GHR: variants seen among roughly 807,000 people sequenced by gnomAD.
The protein encoded by GHR is growth hormone receptor.
GHR carries 35 observed loss-of-function variants against 67.1 expected under a neutral mutation model. The observed-to-expected ratio is 0.52, with a 90% CI of 0.40 to 0.69. The LOEUF (loss-of-function observed/expected upper bound fraction) is 0.69, where lower values mean the gene tolerates loss of function less well. Ranked by LOEUF, GHR falls within the 30% of genes least tolerant of loss-of-function variation. The pLI is 0.00. For missense variants in GHR, 792 were observed against 764.6 expected (o/e 1.04, Z -0.42); for synonymous variants, 272 against 269.1 (o/e 1.01, Z -0.10).
intron 2 of GHR, among the ~76,000 whole-genome samples, chr5:42,604,787 T>C (rs559362590): frequency 6.6e-6 from 1 of 152,104 alleles, no homozygotes; most frequent in African/African-American, 2.4e-5. Flanking sequence ...TTTAATATTT[T>C]CTATCTTTTT....
At position 42,711,331 on chromosome 5, in the gene GHR, A is replaced by C. The variant is rs557134454; in HGVS notation, c.743A>C (p.Tyr248Ser). ...TATGGCGAGTTCAGTGAGGTGCTCT[A>C]TGTAACACTTCCTCAGATGAGCCAA... ...GNYGEFSEVLYVTLPQMSQFT... is the reference protein window; with the variant it reads ...GNYGEFSEVLSVTLPQMSQFT... Residue 248 changes from tyrosine (Y) to serine (S), a missense_variant, in exon 7 of 10, where the codon TAT becomes TCT. Coordinates refer to ENST00000230882, the MANE Select transcript of GHR (RefSeq NM_000163.5). 5 of 1,613,204 alleles carry C rather than the reference A, an allele frequency of 3.1e-6. No homozygotes were observed. In the Admixed American group the frequency reaches 8.3e-5, roughly 27 times the overall value.
chr5:42,572,637 G>T (rs566813412), intron 2 of GHR, among the ~76,000 whole-genome samples: 4 of 152,198 alleles, frequency 2.6e-5, no homozygotes, highest in African/African-American at 9.6e-5. Context: ...CTTGTCCCTT[G>T]TTCCCAGGAT....
Position 42,466,815 on chromosome 5 carries a change from C to T in GHR, c.-12+42860C>T, listed in dbSNP as rs1233905175. 17 of 1,088,800 alleles carry T rather than the reference C, an allele frequency of 1.6e-5. No individual in the cohort carries two copies. In the East Asian group the frequency reaches 4.1e-4, roughly 26 times the overall value. The allele number at this position is 1,088,800 out of a possible 1,614,324, so 67.4% of individuals were successfully genotyped here. On this transcript the variant is annotated intron_variant, in intron 1 of 9. Transcript: ENST00000230882. Reference sequence around the variant, plus strand: ...TCATCTTTATAAAGGAAGAAGAAAACAGCAAAGAGGTGTCTCATTTGGGAG... The same window carrying T: ...TCATCTTTATAAAGGAAGAAGAAAATAGCAAAGAGGTGTCTCATTTGGGAG...
chr5:42,600,620 C>A (rs1481587171), intron 2 of GHR, among the ~76,000 whole-genome samples: 3 of 152,178 alleles, frequency 2.0e-5, no homozygotes, highest in African/African-American at 7.2e-5. Flanking sequence ...CTGGGCAGCA[C>A]ACCAGAGTGA....
intron 6 of GHR, among the ~76,000 whole-genome samples, chr5:42,703,141 G>A (rs1381264313): frequency 6.6e-6 from 1 of 151,942 alleles, no homozygotes; most frequent in Non-Finnish European, 1.5e-5. Context: ...CCAAACCAAT[G>A]TCATGGAGCT....
At chr5:42,586,233 A>G (rs562821880) in intron 2 of GHR, among the ~76,000 whole-genome samples, 9 of 152,002 alleles carry the variant, frequency 5.9e-5, no homozygotes, top group Admixed American at 3.9e-4. Flanking sequence ...CTCCCAATCT[A>G]TCCCTGACTC....
chr5:42,662,673 C>T (rs1256621922), intron 3 of GHR, among the ~76,000 whole-genome samples: 2 of 152,078 alleles, frequency 1.3e-5, no homozygotes, highest in African/African-American at 4.8e-5. Flanking sequence ...AAAATTGACA[C>T]CCTAACATCA....
At chr5:42,665,434 A>C (rs1189864628) in intron 3 of GHR, among the ~76,000 whole-genome samples, 1 of 152,172 alleles carries the variant, frequency 6.6e-6, no homozygotes, top group Non-Finnish European at 1.5e-5. Flanking sequence ...TGATGAGTTC[A>C]TGTCCTTTGT....
chr5:42,688,994 C>A lies in GHR; in HGVS notation c.241C>A (p.Pro81Thr). 6.2e-7 allele frequency: 1 copy of A among 1,613,674 alleles called. No individual in the cohort carries two copies. The highest frequency in any genetic ancestry group is 8.5e-7 in the Non-Finnish European group (1 of 1,179,566). Reference protein sequence around the residue: ...EVHHGTKNLGPIQLFYTRRNT... With the variant: ...EVHHGTKNLGTIQLFYTRRNT... The stretch of plus-strand genomic sequence containing the variant: ...TCATCATGGTACAAAGAACCTAGGA[C>A]CCATACAGCTGTTCTATACCAGAAG... Residue 81 changes from proline (P) to threonine (T), a missense_variant, in exon 4 of 10, where the codon CCC (proline) becomes ACC (threonine). Transcript: ENST00000230882.
At position 42,424,447 on chromosome 5, in the gene GHR, C is replaced by T. The variant is rs1742753900; in HGVS notation, c.-12+492C>T. The T allele has an allele frequency of 1.5e-6, 1 of 678,572 alleles. No individual in the cohort carries two copies. The highest frequency in any genetic ancestry group is 2.7e-5 in the East Asian group (1 of 36,454). The allele number at this position is 678,572 out of a possible 1,614,324, so 42.0% of individuals were successfully genotyped here. On this transcript the variant is annotated intron_variant, in intron 1 of 9. Transcript: ENST00000230882. The surrounding 1 kb of genome is among the most constrained non-coding windows in gnomAD (Gnocchi z 4.1). ...GCGCGGGGAAGAATCCCCGGCAGCG[C>T]GACTGGAGAGACTGGGGAGGTCGAG...
At chr5:42,709,872 A>G (rs900225309) in intron 6 of GHR, among the ~76,000 whole-genome samples, 4 of 152,092 alleles carry the variant, frequency 2.6e-5, no homozygotes, top group African/African-American at 9.7e-5. Context: ...AGTAGGAGCC[A>G]CTCGAAATCT....
chr5:42,469,078 C>T (rs1453040926), intron 1 of GHR, among the ~76,000 whole-genome samples: 1 of 152,146 alleles, frequency 6.6e-6, no homozygotes, highest in Non-Finnish European at 1.5e-5. Flanking sequence ...AAAGATAGTT[C>T]TAGATAATAC....
rs1340608555 is a variant in GHR, at chr5:42,532,740, T to C, written c.-11-33124T>C. ...CTACTTTTACTACAAATATTTTATTTTCAGAATTTACCCTTGTTATTATAT... is the reference window on the plus strand; with the variant it reads ...CTACTTTTACTACAAATATTTTATTCTCAGAATTTACCCTTGTTATTATAT... On this transcript the variant is annotated intron_variant, in intron 1 of 9. Coordinates refer to ENST00000230882, the MANE Select transcript of GHR (RefSeq NM_000163.5). Among the ~76,000 whole-genome samples, 4 of 152,318 alleles carry C rather than the reference T, an allele frequency of 2.6e-5. No homozygotes were observed. In the East Asian group the frequency reaches 7.7e-4, roughly 29 times the overall value.
At chr5:42,717,308 T>A (rs978944566) in intron 8 of GHR, among the ~76,000 whole-genome samples, 5 of 151,876 alleles carry the variant, frequency 3.3e-5, no homozygotes, top group Admixed American at 6.6e-5. Flanking sequence ...CAAAAAGTTT[T>A]AAAAAAAATT....
At chr5:42,426,013 G>A (rs1472314056) in intron 1 of GHR, among the ~76,000 whole-genome samples, 3 of 152,076 alleles carry the variant, frequency 2.0e-5, no homozygotes. Flanking sequence ...GCCAGGCTTT[G>A]GGCCCATGTT....
Position 42,565,878 on chromosome 5 carries a change from G to C in GHR, c.4G>C (p.Asp2His), listed in dbSNP as rs756257972. 2.8e-5 allele frequency: 45 copies of C among 1,614,016 alleles called. No homozygotes were observed. Among genetic ancestry groups the C allele is most frequent in the Non-Finnish European group, 3.7e-5 (44 of 1,179,900 alleles). Reference sequence around the variant, plus strand: ...TGTGATTGCAGGTCCTACAGGTATGGATCTCTGGCAGCTGCTGTTGACCTT... The same window carrying C: ...TGTGATTGCAGGTCCTACAGGTATGCATCTCTGGCAGCTGCTGTTGACCTT... M[D>H]LWQLLLTLAL... The change falls in exon 2 of 10, where the codon GAT becomes CAT. Residue 2 changes from aspartate to histidine, a missense_variant. Transcript: ENST00000230882.
chr5:42,719,444 G>A lies in GHR; in HGVS notation c.*20G>A. The A allele has an allele frequency of 6.2e-7, 1 of 1,607,400 alleles. No individual in the cohort carries two copies. The highest frequency in any genetic ancestry group is 8.5e-7 in the Non-Finnish European group (1 of 1,178,378). ...CCTTAGCCTTTCTTTGGTTTCCCAA[G>A]AGCTACGTATTTAATAGCAAAGAAT... On this transcript the variant is annotated 3_prime_UTR_variant, in exon 10 of 10. Transcript: ENST00000230882.
At chr5:42,615,461 A>G (rs1753095812) in intron 2 of GHR, among the ~76,000 whole-genome samples, 1 of 152,118 alleles carries the variant, frequency 6.6e-6, no homozygotes, top group Non-Finnish European at 1.5e-5. Context: ...ACTTTTCTTT[A>G]GTCCTAACCT....
At chr5:42,568,538 G>A (rs576107217) in intron 2 of GHR, among the ~76,000 whole-genome samples, 27 of 152,308 alleles carry the variant, frequency 1.8e-4, no homozygotes, top group Non-Finnish European at 3.7e-4. Flanking sequence ...AATGAGAAAT[G>A]TGCATAAAGA....
Sources: allele counts gnomAD v4.1 joint callset (sites outside exome capture counted in the v4.1 genomes callset), GRCh38; gene constraint gnomAD v4.1.1; non-coding constraint Gnocchi (gnomAD v3.1); transcripts MANE v1.5; gene names NCBI Gene and HGNC (gene_info 2026-07-23, HGNC 2026-07-21).